The following BICD1 variants were observed in gnomAD, a reference collection of about 807,000 sequenced individuals.
The protein encoded by BICD1 is protein bicaudal D homolog 1.
BICD1 carries 35 observed loss-of-function variants against 92.5 expected under a neutral mutation model. That is an observed-to-expected ratio of 0.38 (90% confidence interval 0.29 to 0.50). The LOEUF (loss-of-function observed/expected upper bound fraction) is 0.50, where lower values mean the gene tolerates loss of function less well. BICD1 is among the 20% of genes least tolerant of loss of function. The pLI is 0.93. For missense variants in BICD1, 950 were observed against 1,189.8 expected (o/e 0.80, Z 2.97); for synonymous variants, 429 against 465.1 (o/e 0.92, Z 1.00).
intron 1 of BICD1, among the ~76,000 whole-genome samples, chr12:32,203,080 G>A (rs1010478178): frequency 6.6e-6 from 1 of 152,172 alleles, no homozygotes; most frequent in African/African-American, 2.4e-5. Context: ...GCTGGCACTC[G>A]ACATCAGTGG....
chr12:32,339,871 G>C, intron 8 of BICD1: 2 of 953,630 alleles, frequency 2.1e-6, no homozygotes, highest in Non-Finnish European at 2.5e-6. Flanking sequence ...CAGTATTTCT[G>C]GCCTCTTTTG....
chr12:32,126,871 G>A (rs1348531455), intron 1 of BICD1, among the ~76,000 whole-genome samples: 2 of 152,154 alleles, frequency 1.3e-5, no homozygotes, highest in African/African-American at 2.4e-5. Flanking sequence ...TTCATACCTT[G>A]TGGCTCTAGT....
intron 1 of BICD1, among the ~76,000 whole-genome samples, chr12:32,202,581 G>A (rs928038742): frequency 2.0e-5 from 3 of 152,066 alleles, no homozygotes. Context: ...GTCCAGTTAT[G>A]ATGCAGATAT....
intron 1 of BICD1, among the ~76,000 whole-genome samples, chr12:32,130,293 T>C (rs1005040395): frequency 1.3e-5 from 2 of 151,772 alleles, no homozygotes; most frequent in Non-Finnish European, 1.5e-5. Flanking sequence ...AAGCTCCGCC[T>C]CTCGGGTTCA....
chr12:32,202,701 T>C (rs1332986459), intron 1 of BICD1, among the ~76,000 whole-genome samples: 1 of 152,060 alleles, frequency 6.6e-6, no homozygotes, highest in Non-Finnish European at 1.5e-5. Context: ...GCCTCGACCT[T>C]CCAGGCTCAA....
At chr12:32,294,224 G>A (rs1328931056) in intron 3 of BICD1, 78 bp downstream of exon 3, 1 of 1,346,188 alleles carries the variant, frequency 7.4e-7, no homozygotes, top group Non-Finnish European at 1.0e-6. Flanking sequence ...CTCCAAACTT[G>A]TCAGAATTTA....
chr12:32,175,708 A>G, intron 1 of BICD1, among the ~76,000 whole-genome samples: 1 of 152,172 alleles, frequency 6.6e-6, no homozygotes, highest in East Asian at 1.9e-4. Context: ...AAGCAACTTT[A>G]TTGAAATATA....
chr12:32,246,376 ACTTG>A (rs1803500990), intron 2 of BICD1, among the ~76,000 whole-genome samples: 1 of 151,778 alleles, frequency 6.6e-6, no homozygotes, highest in Non-Finnish European at 1.5e-5. Context: ...GGTGGCTCAC[ACTTG>A]TAATCCCAGC....
intron 2 of BICD1, among the ~76,000 whole-genome samples, chr12:32,286,279 G>A (rs987183218): frequency 5.3e-5 from 8 of 151,906 alleles, no homozygotes; most frequent in African/African-American, 1.9e-4. Flanking sequence ...AGAATCTCTT[G>A]TATCTTAACA....
chr12:32,157,046 G>A (rs1216241981), intron 1 of BICD1, among the ~76,000 whole-genome samples: 1 of 151,972 alleles, frequency 6.6e-6, no homozygotes, highest in Non-Finnish European at 1.5e-5. Context: ...ATAATTACTG[G>A]CATAATTACA....
chr12:32,283,562 C>T (rs969524929), intron 2 of BICD1, among the ~76,000 whole-genome samples: 2 of 152,076 alleles, frequency 1.3e-5, no homozygotes, highest in African/African-American at 2.4e-5. Flanking sequence ...AGTAAGTATG[C>T]GATGATGGTG....
intron 2 of BICD1, among the ~76,000 whole-genome samples, chr12:32,258,048 G>A (rs12368042): frequency 0.017 from 2,553 of 152,170 alleles, 32 homozygotes; most frequent in Non-Finnish European, 0.025. Flanking sequence ...TTTATTATAC[G>A]CCTAGAGGTA....
intron 4 of BICD1, among the ~76,000 whole-genome samples, chr12:32,312,064 T>C (rs1305149842): frequency 1.3e-5 from 2 of 152,152 alleles, no homozygotes; most frequent in South Asian, 2.1e-4. Context: ...AAATCAGATC[T>C]TAGTCCTCAC....
At chr12:32,111,002 GTT>G (rs112591320) in intron 1 of BICD1, among the ~76,000 whole-genome samples, 60 of 150,808 alleles carry the variant, frequency 4.0e-4, no homozygotes, top group African/African-American at 1.3e-3. Flanking sequence ...AAAAAAAAGA[GTT>G]TTTTTTTAAC....
chr12:32,296,306 G>A (rs190021224), intron 3 of BICD1, among the ~76,000 whole-genome samples: 85 of 141,884 alleles, frequency 6.0e-4, no homozygotes, highest in African/African-American at 2.2e-3. Flanking sequence ...TCACCAGGCT[G>A]GAGTGCAGTG....
intron 2 of BICD1, among the ~76,000 whole-genome samples, chr12:32,293,561 C>T (rs1480716207): frequency 1.3e-5 from 2 of 151,792 alleles, no homozygotes; most frequent in African/African-American, 2.4e-5. Context: ...AACTCCTGAC[C>T]TCAGGTGATC....
At chr12:32,293,953 A>G (rs1465381638) in intron 2 of BICD1, 41 bp from the exon 3 acceptor site, 5 of 1,579,074 alleles carry the variant, frequency 3.2e-6, no homozygotes, top group Admixed American at 1.9e-5. Context: ...AAAATCTACA[A>G]TAAGAGAGTT....
intron 8 of BICD1, among the ~76,000 whole-genome samples, chr12:32,358,047 T>A (rs1309867240): frequency 6.6e-6 from 1 of 152,166 alleles, no homozygotes; most frequent in Non-Finnish European, 1.5e-5. Context: ...CTTCTGATCC[T>A]CAGTGTTCTA....
chr12:32,351,024 A>G (rs142265565), intron 8 of BICD1, among the ~76,000 whole-genome samples: 4 of 152,178 alleles, frequency 2.6e-5, no homozygotes, highest in Non-Finnish European at 5.9e-5. Context: ...CATATAGATT[A>G]TTTATGTCAC....
Sources: gnomAD v4.1 joint callset for allele counts (sites outside exome capture counted in the v4.1 genomes callset) on GRCh38, gnomAD v4.1.1 for gene constraint, MANE v1.5 for transcripts, NCBI Gene and HGNC (gene_info 2026-07-23, HGNC 2026-07-21) for gene names.